The following HELZ2 variants were observed in gnomAD, a reference collection of about 807,000 sequenced individuals.
HELZ2 encodes helicase with zinc finger 2.
Under a neutral mutation model 208.8 loss-of-function variants are expected in HELZ2, and 143 were observed. The ratio of observed to expected loss-of-function variants is 0.68; its 90% confidence interval spans 0.60 to 0.79. The LOEUF is 0.79. Among genes scored for constraint, HELZ2 ranks in the 30% least tolerant of loss-of-function variants. The pLI is 0.00. For missense variants in HELZ2, 3,690 were observed against 3,794.5 expected (o/e 0.97, Z 0.72); for synonymous variants, 1,705 against 1,693.7 (o/e 1.01, Z -0.16).
In HELZ2 at chr20:63,566,830, C is replaced by T. The variant is rs745837418; in HGVS notation, c.2514+14G>A. 1 of 1,579,928 alleles carries T rather than the reference C, an allele frequency of 6.3e-7. No individual in the cohort carries two copies. The highest frequency in any genetic ancestry group is 8.6e-7 in the Non-Finnish European group (1 of 1,167,162). On this transcript the variant is annotated intron_variant, in intron 6 of 18. Coordinates refer to ENST00000467148, the Ensembl canonical transcript of HELZ2. ...GGGTGCGGTCGGGGGCTGTCCCGGG[C>T]TGGCCGGGCTCACCTGGGCACCGTG...
chr20:63,565,000 T>C (rs921004923), exon 8 of HELZ2: 7 of 1,596,036 alleles, frequency 4.4e-6, no homozygotes, highest in Non-Finnish European at 6.0e-6. Context: ...AGTAGAAGCC[T>C]TGCCGCCACA....
rs558541068 is a variant in HELZ2, at chr20:63,565,528, G to A, written c.3294C>T (p.Val1098=). 1.1e-5 allele frequency: 17 copies of A among 1,606,694 alleles called. No individual in the cohort carries two copies. The African/African-American group carries it at 1.1e-4, about 10-fold the overall frequency. ...CCTGCTGCAGGGACTCGGGCCTGGC[G>A]ACAGTGTCCAGCAGCCCGTCCTCCC... Residue 1098 remains valine (V), a synonymous_variant, in exon 8 of 19, where the codon GTC becomes GTT. Coordinates refer to ENST00000467148, the Ensembl canonical transcript of HELZ2.
chr20:63,565,500 G>T, exon 8 of HELZ2: 1 of 1,606,512 alleles, frequency 6.2e-7, no homozygotes, highest in Non-Finnish European at 8.5e-7. Flanking sequence ...TCGTACAGCC[G>T]GGCCTGCTGC....
rs751749130 is a variant in HELZ2, at chr20:63,562,385, G to A, written c.6303-3C>T. 30 of 1,578,890 alleles carry A rather than the reference G, an allele frequency of 1.9e-5. No individual in the cohort carries two copies. Among genetic ancestry groups the A allele is most frequent in the Non-Finnish European group, 2.6e-5 (30 of 1,170,842 alleles). Reference sequence around the variant, plus strand: ...CACGCACGGCTTCCTCCTTGCGGCTGGGGGTGAAGGCAGACACTGGAAAAC... The same window carrying A: ...CACGCACGGCTTCCTCCTTGCGGCTAGGGGTGAAGGCAGACACTGGAAAAC... On this transcript the variant is annotated splice_polypyrimidine_tract_variant and splice_region_variant and intron_variant, in intron 8 of 18. Coordinates refer to ENST00000467148, the Ensembl canonical transcript of HELZ2.
chr20:63,560,315 T>C, exon 17 of HELZ2: 4 of 1,555,108 alleles, frequency 2.6e-6, no homozygotes, highest in Non-Finnish European at 3.5e-6. Context: ...GTCAGCTGCT[T>C]GGTGATACGG....
chr20:63,571,466 G>A (rs112472526), intron 1 of HELZ2: 52 of 97,088 alleles, frequency 5.4e-4, no homozygotes, highest in African/African-American at 9.8e-4. Flanking sequence ...CTCCTGCCCT[G>A]CTCCAAGCTC....
rs370815618 is a variant in HELZ2, at chr20:63,560,335, G to T, written c.7501-8C>A. 3.2e-6 allele frequency: 5 copies of T among 1,552,166 alleles called. No individual in the cohort carries two copies. The highest frequency in any genetic ancestry group is 4.3e-6 in the Non-Finnish European group (5 of 1,153,518). ...CTGCTTGGTGATACGGACCTGAGGA[G>T]CCGAGGGGGCAGGTGGAGCGGACCC... On this transcript the variant is annotated splice_region_variant and splice_polypyrimidine_tract_variant and intron_variant, in intron 16 of 18. Transcript: ENST00000467148.
At chr20:63,569,251 G>A (rs147919045) in exon 4 of HELZ2, 40 of 1,572,216 alleles carry the variant, frequency 2.5e-5, no homozygotes, top group Middle Eastern at 1.7e-4. Flanking sequence ...ACGCTGCTGC[G>A]GTTGAACTCC....
rs756403332 is a variant in HELZ2, at chr20:63,562,341, G to A, written c.6344C>T (p.Pro2115Leu). 61 of 1,595,694 alleles carry A rather than the reference G, an allele frequency of 3.8e-5. 1 individual carries two copies. The South Asian group carries it at 4.4e-4, about 12-fold the overall frequency. ...GCCCAGTGCGATGCTGGTGACCAGC[G>A]GGGACGCCTCCTCTAGTCCACGCAC... Residue 2115 changes from proline (P) to leucine (L), a missense_variant, in exon 9 of 19, where the codon CCG (proline) becomes CTG (leucine). This residue lies in a region of HELZ2 where 2,564 missense variants were observed against 2,580.5 expected (regional missense o/e 0.99). Coordinates refer to ENST00000467148, the Ensembl canonical transcript of HELZ2.
At chr20:63,564,205 G>C in exon 8 of HELZ2, 1 of 1,611,788 alleles carries the variant, frequency 6.2e-7, no homozygotes, top group Non-Finnish European at 8.5e-7. Flanking sequence ...TGCCCACCAG[G>C]AACTCAGCCA....
chr20:63,564,129 C>T (rs767423822), exon 8 of HELZ2: 1 of 1,611,818 alleles, frequency 6.2e-7, no homozygotes, highest in Non-Finnish European at 8.5e-7. Context: ...TCACACAGGG[C>T]CTTGAGCTGC....
At chr20:63,564,992 T>C (rs1274389914) in exon 8 of HELZ2, 2 of 1,599,426 alleles carry the variant, frequency 1.3e-6, no homozygotes, top group African/African-American at 1.3e-5. Context: ...CAGCGGGTAG[T>C]AGAAGCCTTG....
exon 8 of HELZ2, chr20:63,566,016 C>A: frequency 6.3e-7 from 1 of 1,595,464 alleles, no homozygotes. Flanking sequence ...TGCCGCTCCA[C>A]GCACTCACGG....
At chr20:63,564,892 C>G (rs781767607) in exon 8 of HELZ2, 1 of 1,612,294 alleles carries the variant, frequency 6.2e-7, no homozygotes, top group Non-Finnish European at 8.5e-7. Context: ...CCTGGTCCGA[C>G]GGGGGCACCC....
chr20:63,566,679 C>CGGGGATGAACG (rs1600979046), intron 6 of HELZ2, among the ~76,000 whole-genome samples, 165 bp downstream of exon 7: 6 of 151,708 alleles, frequency 4.0e-5, no homozygotes, highest in African/African-American at 1.2e-4. Flanking sequence ...CCACCAAGCT[C>CGGGGATGAACG]CAGACACCTC....
chr20:63,566,717 G>A, intron 6 of HELZ2, 127 bp downstream of exon 7: 1 of 964,830 alleles, frequency 1.0e-6, no homozygotes, highest in South Asian at 1.6e-5. Context: ...TCAGCCCTGG[G>A]AGGCAAATAC....
exon 8 of HELZ2, chr20:63,563,050 T>C (rs568369164): frequency 6.3e-7 from 1 of 1,599,410 alleles, no homozygotes; most frequent in South Asian, 1.1e-5. Context: ...ACACACGGCC[T>C]GAGAAGCAGT....
At chr20:63,570,992 A>G in intron 1 of HELZ2, 124 bp from the exon 3 acceptor site, 1 of 716,090 alleles carries the variant, frequency 1.4e-6, no homozygotes, top group Non-Finnish European at 2.2e-6. Context: ...CGTCCCACCC[A>G]CTCCTGTGCT....
downstream of HELZ2, chr20:63,558,695 C>G (rs185001099): frequency 1.3e-5 from 2 of 152,360 alleles, no homozygotes; most frequent in Non-Finnish European, 2.9e-5. Flanking sequence ...CCCGCCACCA[C>G]GCCCAGCTAA....
Sources: gnomAD v4.1 joint callset for allele counts (sites outside exome capture counted in the v4.1 genomes callset) on GRCh38, gnomAD v4.1.1 for gene constraint, gnomAD v4.1.1 regional missense constraint, MANE v1.5 for transcripts, NCBI Gene and HGNC (gene_info 2026-07-23, HGNC 2026-07-21) for gene names.